The following YIPF7 variants were observed in gnomAD, a reference collection of about 807,000 sequenced individuals.
YIPF7 encodes the protein protein YIPF7.
In YIPF7, 35 loss-of-function variants were observed where a neutral mutation model predicts 27.2. The observed-to-expected ratio is 1.29, with a 90% CI of 0.98 to 1.70. YIPF7 has a LOEUF of 1.70. Among genes scored for constraint, YIPF7 ranks in the 40% most tolerant of loss-of-function variants. The pLI, the probability that YIPF7 is intolerant of heterozygous loss-of-function variation, is 0.00. For missense variants in YIPF7, 358 were observed against 303.7 expected, an observed-to-expected ratio of 1.18 and a Z score of -1.33; for synonymous variants, 137 against 110.4, an observed-to-expected ratio of 1.24 and a Z score of -1.51.
Position 44,643,011 on chromosome 4 carries a change from G to A in YIPF7, c.117-6926C>T, listed in dbSNP as rs150952066. Among the ~76,000 whole-genome samples, 217 of 152,310 alleles carry A rather than the reference G, an allele frequency of 1.4e-3. 6 individuals carry two copies. The East Asian group carries it at 0.04, about 28-fold the overall frequency. On this transcript the variant is annotated intron_variant, in intron 2 of 5. Coordinates refer to ENST00000415895, the MANE Select transcript of YIPF7 (RefSeq NM_182592.3). ...TATACAGATACTTGGAAATGTGGAA[G>A]TGGTTTTGGAACTGGGTAACAGGTA...
intron 1 of YIPF7, among the ~76,000 whole-genome samples, chr4:44,650,498 C>T (rs1385447329): frequency 6.3e-5 from 4 of 63,736 alleles, no homozygotes; most frequent in African/African-American, 1.8e-4. Flanking sequence ...CACACATGCG[C>T]GCGCGCGCGC....
chr4:44,631,696 G>A (rs192496927), intron 3 of YIPF7, among the ~76,000 whole-genome samples: 84 of 152,078 alleles, frequency 5.5e-4, no homozygotes, highest in Non-Finnish European at 9.7e-4. Flanking sequence ...ATTAATGAAC[G>A]TATGCTTTGA....
At chr4:44,641,005 C>T (rs903076198) in intron 2 of YIPF7, among the ~76,000 whole-genome samples, 5 of 152,052 alleles carry the variant, frequency 3.3e-5, no homozygotes, top group African/African-American at 1.2e-4. Context: ...TTCCTTCTCA[C>T]AGTTTCCTGG....
At chr4:44,650,377 T>A (rs1713686849) in intron 1 of YIPF7, among the ~76,000 whole-genome samples, 2 of 152,332 alleles carry the variant, frequency 1.3e-5, no homozygotes, top group Non-Finnish European at 2.9e-5. Context: ...CTGAAAGAAC[T>A]AATCTTCTCC....
chr4:44,647,873 G>C (rs562636883), intron 2 of YIPF7, among the ~76,000 whole-genome samples: 1 of 151,722 alleles, frequency 6.6e-6, no homozygotes, highest in African/African-American at 2.4e-5. Context: ...TTTCTATCTG[G>C]AGCTTTTAAG....
chr4:44,633,794 C>T (rs960460014), intron 3 of YIPF7, among the ~76,000 whole-genome samples: 5 of 151,394 alleles, frequency 3.3e-5, no homozygotes, highest in African/African-American at 9.7e-5. Flanking sequence ...AAAAAATAAA[C>T]GAGGAAAGAA....
chr4:44,628,144 A>G (rs1712739720), intron 4 of YIPF7, among the ~76,000 whole-genome samples: 1 of 152,158 alleles, frequency 6.6e-6, no homozygotes, highest in African/African-American at 2.4e-5. Context: ...ACTGTGACAA[A>G]GACAGAAGAA....
At chr4:44,659,446 T>C (rs972233616) in intron 2 of YIPF7, among the ~76,000 whole-genome samples, 1 of 152,124 alleles carries the variant, frequency 6.6e-6, no homozygotes, top group Non-Finnish European at 1.5e-5. Flanking sequence ...ACACTTAATA[T>C]ATTATCTCCT....
At chr4:44,627,690 C>T (rs1056512773) in intron 4 of YIPF7, among the ~76,000 whole-genome samples, 2 of 152,116 alleles carry the variant, frequency 1.3e-5, no homozygotes, top group South Asian at 2.1e-4. Flanking sequence ...TCAGAAAATA[C>T]GTATTTTCAC....
chr4:44,626,143 C>T (rs1186679747), intron 4 of YIPF7, among the ~76,000 whole-genome samples: 1 of 152,188 alleles, frequency 6.6e-6, no homozygotes, highest in African/African-American at 2.4e-5. Flanking sequence ...ACTACGAAGT[C>T]CTTTCATAAA....
At position 44,629,420 on chromosome 4, in the gene YIPF7, C is replaced by G. The variant is rs1170791255; in HGVS notation, c.409G>C (p.Gly137Arg). 1.3e-6 allele frequency: 2 copies of G among 1,594,870 alleles called. No homozygotes were observed. Among genetic ancestry groups the G allele is most frequent in the Admixed American group, 3.5e-5 (2 of 57,390 alleles). ...TGPILFCVAL[G>R]ATLLLAGKVQ... ...CACATTACCAGAAGCAAGGTGGCTC[C>G]CAGGGCTACGCAAAAAAGAATGGGT... The change falls in exon 4 of 6, where the codon GGA becomes CGA. Residue 137 changes from glycine to arginine, a missense_variant. Physicochemically the swap from Gly to Arg is moderately radical, Grantham distance 125. Transcript: ENST00000415895.
intron 2 of YIPF7, among the ~76,000 whole-genome samples, chr4:44,658,429 C>CT (rs745463030): frequency 6.6e-6 from 1 of 152,086 alleles, no homozygotes; most frequent in African/African-American, 2.4e-5. Context: ...GTCTATGTCA[C>CT]TTTTTTATTG....
At chr4:44,633,984 C>T (rs1344023699) in intron 3 of YIPF7, among the ~76,000 whole-genome samples, 1 of 152,020 alleles carries the variant, frequency 6.6e-6, no homozygotes, top group East Asian at 1.9e-4. Flanking sequence ...TGGAGTAGAA[C>T]ACCATTTTTG....
chr4:44,650,039 T>A lies in YIPF7; in HGVS notation c.62A>T (p.Gln21Leu). 1 of 1,591,016 alleles carries A rather than the reference T, an allele frequency of 6.3e-7. No individual in the cohort carries two copies. Among genetic ancestry groups the A allele is most frequent in the South Asian group, 1.1e-5 (1 of 87,352 alleles). Residue 21 changes from glutamine (Q) to leucine (L), a missense_variant, in exon 2 of 6, where the codon CAG becomes CTG. By Grantham distance (113) the Gln-to-Leu change is moderately radical. Coordinates refer to ENST00000415895, the MANE Select transcript of YIPF7 (RefSeq NM_182592.3). ...FYQSNFTIDN[Q>L]EQSGNDSNAY... ...ATTAGAGTCATTACCACTCTGCTCC[T>A]GGTTATCAATAGTAAAATTAGATTG... is the stretch of plus-strand genomic sequence containing the variant.
At chr4:44,639,375 T>G (rs4235132) in intron 2 of YIPF7, among the ~76,000 whole-genome samples, 118,559 of 152,042 alleles carry the variant, frequency 0.78, 46,406 homozygotes, top group Admixed American at 0.83. Flanking sequence ...TTTTTCATCA[T>G]TGTTTGTCAT....
rs1712463466 is a variant in YIPF7 at position 44,622,137 on chromosome 4, A to C, written c.*277T>G. The C allele has an allele frequency of 3.1e-6, 1 of 322,390 alleles. No homozygotes were observed. The highest frequency in any genetic ancestry group is 5.7e-6 in the Non-Finnish European group (1 of 175,960). The allele number at this position is 322,390 out of a possible 1,614,324, so 20.0% of individuals were successfully genotyped here. ...TTATTTACTTACTTTTCTCAGAAAT[A>C]CCTCTATTGAGAAAAGCAGGGTTGA... On this transcript the variant is annotated 3_prime_UTR_variant, in exon 6 of 6. Transcript: ENST00000415895.
At chr4:44,661,689 G>C (rs1714043702) in intron 1 of YIPF7, among the ~76,000 whole-genome samples, 1 of 152,160 alleles carries the variant, frequency 6.6e-6, no homozygotes, top group Non-Finnish European at 1.5e-5. Context: ...TCCCACCAGG[G>C]AGGAGACAGC....
intron 2 of YIPF7, among the ~76,000 whole-genome samples, chr4:44,660,130 A>AAAAAAAAAAAAAAAAAAAAAAAG (rs1560332853): frequency 1.4e-5 from 2 of 147,286 alleles, no homozygotes; most frequent in Non-Finnish European, 3.0e-5. Flanking sequence ...AAAAAAAAAA[A>AAAAAAAAAAAAAAAAAAAAAAAG]AAAAAACGAA....
chr4:44,645,412 A>C (rs746566584), intron 2 of YIPF7, among the ~76,000 whole-genome samples: 1 of 152,174 alleles, frequency 6.6e-6, no homozygotes, highest in Non-Finnish European at 1.5e-5. Flanking sequence ...TGGACACTTC[A>C]CTATTTGCTC....
Sources: allele counts gnomAD v4.1 joint callset (sites outside exome capture counted in the v4.1 genomes callset), GRCh38; gene constraint gnomAD v4.1.1; transcripts MANE v1.5; gene names NCBI Gene and HGNC (gene_info 2026-07-23, HGNC 2026-07-21).